Variants in ZNF512 observed in about 807,000 individuals in gnomAD.
ZNF512 encodes the protein zinc finger protein 512.
In ZNF512, 25 loss-of-function variants were observed where a neutral mutation model predicts 77.5. The ratio of observed to expected loss-of-function variants is 0.32; its 90% CI spans 0.23 to 0.45. ZNF512 has a LOEUF of 0.45. Ranked by LOEUF, ZNF512 falls within the 20% of genes least tolerant of loss-of-function variation. ZNF512 has a pLI of 1.00. For synonymous variants in ZNF512, 246 were observed against 239.9 expected (o/e 1.03, Z -0.24); for missense variants, 483 against 692.6 (o/e 0.70, Z 3.40).
In ZNF512 at chr2:27,621,257, CAGA is replaced by C; in HGVS notation, c.1503_1505del (p.Arg502del). The C allele has an allele frequency of 5.0e-6, 8 of 1,614,172 alleles. No homozygotes were observed. Among genetic ancestry groups the C allele is most frequent in the Non-Finnish European group, 6.8e-6 (8 of 1,180,026 alleles). On this transcript the variant is annotated inframe_deletion, in exon 14 of 14. Transcript: ENST00000355467. ...AAAAGCGGAGGCAGCAGCACAGGAG[CAGA>C]AGGTCTCTAAGAAGGCGGCAGCAGC... is the stretch of plus-strand genomic sequence containing the variant.
At chr2:27,614,713 ACT>A (rs2148042463) in intron 10 of ZNF512, among the ~76,000 whole-genome samples, 1 of 151,490 alleles carries the variant, frequency 6.6e-6, no homozygotes, top group East Asian at 1.9e-4. Flanking sequence ...AGAGAATACC[ACT>A]GTTAATATTT....
intron 2 of ZNF512, 98 bp from the exon 3 acceptor site, chr2:27,597,969 T>C: frequency 1.1e-6 from 1 of 939,818 alleles, no homozygotes; most frequent in Non-Finnish European, 1.6e-6. Context: ...GCTTCTTAGT[T>C]TTCTGCAGAG....
intron 2 of ZNF512, among the ~76,000 whole-genome samples, chr2:27,590,999 A>T (rs961182098): frequency 6.6e-6 from 1 of 151,764 alleles, no homozygotes; most frequent in African/African-American, 2.4e-5. Context: ...GAGTTGACAA[A>T]TTTTTTCTCT....
At chr2:27,600,143 C>A in intron 5 of ZNF512, 90 bp downstream of exon 5, 1 of 1,426,128 alleles carries the variant, frequency 7.0e-7, no homozygotes, top group Non-Finnish European at 9.7e-7. Context: ...GGTACTAAAG[C>A]ATTTCTTTAA....
chr2:27,613,014 T>A (rs927761677), intron 10 of ZNF512, among the ~76,000 whole-genome samples: 2 of 152,204 alleles, frequency 1.3e-5, no homozygotes, highest in Non-Finnish European at 2.9e-5. Context: ...ATCCCAACTA[T>A]TCCATTCCCA....
intron 2 of ZNF512, among the ~76,000 whole-genome samples, chr2:27,589,454 T>G (rs1315090054): frequency 1.3e-5 from 2 of 152,178 alleles, no homozygotes; most frequent in African/African-American, 4.8e-5. Flanking sequence ...TTTTCATTTG[T>G]GATATTGGCT....
chr2:27,612,180 T>C (rs1274564039), intron 10 of ZNF512, among the ~76,000 whole-genome samples: 1 of 152,228 alleles, frequency 6.6e-6, no homozygotes, highest in Admixed American at 6.5e-5. Flanking sequence ...TGCTGCTCAA[T>C]GTGTCCTGGA....
chr2:27,607,318 G>A (rs1351349968), intron 9 of ZNF512, among the ~76,000 whole-genome samples: 1 of 150,980 alleles, frequency 6.6e-6, no homozygotes, highest in African/African-American at 2.4e-5. Flanking sequence ...TGTGAGGGAT[G>A]GGTTAAGATT....
chr2:27,615,324 C>A, intron 11 of ZNF512, 55 bp downstream of exon 11: 2 of 1,178,728 alleles, frequency 1.7e-6, no homozygotes, highest in Non-Finnish European at 1.2e-6. Flanking sequence ...TCTGCTCTTG[C>A]TTCTGTTATT....
chr2:27,613,508 A>G (rs1330469187), intron 10 of ZNF512, among the ~76,000 whole-genome samples: 1 of 151,908 alleles, frequency 6.6e-6, no homozygotes, highest in Non-Finnish European at 1.5e-5. Flanking sequence ...AAAAAAAAAA[A>G]AATTTATATA....
intron 10 of ZNF512, among the ~76,000 whole-genome samples, chr2:27,613,082 G>A (rs370881520): frequency 3.9e-5 from 6 of 151,928 alleles, no homozygotes; most frequent in African/African-American, 1.5e-4. Context: ...AAACTCATTC[G>A]TTTTTAGTTT....
chr2:27,621,667 C>G lies in ZNF512; in HGVS notation c.*206C>G, dbSNP rs1673130201. Reference sequence around the variant, plus strand: ...CTTTTAGTAGGTTTTCCTGCTATTCCTCGTCAAGTCCTCTTGTTTTTTTAT... The same window carrying G: ...CTTTTAGTAGGTTTTCCTGCTATTCGTCGTCAAGTCCTCTTGTTTTTTTAT... On this transcript the variant is annotated 3_prime_UTR_variant, in exon 14 of 14. Transcript: ENST00000355467. 1.9e-6 allele frequency: 1 copy of G among 535,888 alleles called. No individual in the cohort carries two copies. The highest frequency in any genetic ancestry group is 3.2e-6 in the Non-Finnish European group (1 of 310,692). 33.2% of individuals were successfully genotyped at this position (535,888 alleles called of 1,614,324 possible). A position where few individuals can be genotyped will look rare whatever the true frequency, so the allele number is the denominator to read the frequency against.
chr2:27,614,184 TC>T (rs1672786583), intron 10 of ZNF512, among the ~76,000 whole-genome samples: 2 of 152,120 alleles, frequency 1.3e-5, no homozygotes, highest in African/African-American at 2.4e-5. Flanking sequence ...TTCAGATACT[TC>T]CATTGTCAAA....
chr2:27,583,357 A>T, intron 1 of ZNF512: 6 of 1,305,376 alleles, frequency 4.6e-6, no homozygotes, highest in Non-Finnish European at 5.1e-6. Flanking sequence ...CATTACCATT[A>T]GTTTCTATTC....
chr2:27,586,304 A>G (rs1671324694), intron 2 of ZNF512, among the ~76,000 whole-genome samples: 1 of 152,008 alleles, frequency 6.6e-6, no homozygotes, highest in Non-Finnish European at 1.5e-5. Flanking sequence ...ATCTCGGCTC[A>G]CCACAACCTC....
chr2:27,617,773 G>C (rs4666002), intron 13 of ZNF512, among the ~76,000 whole-genome samples: 36,750 of 151,894 alleles, frequency 0.24, 5,639 homozygotes, highest in East Asian at 0.49. Flanking sequence ...AGGGGTGGGC[G>C]GGGTGGCTTA....
At chr2:27,611,286 G>A (rs1260257515) in intron 10 of ZNF512, among the ~76,000 whole-genome samples, 7 of 152,074 alleles carry the variant, frequency 4.6e-5, no homozygotes, top group Admixed American at 3.3e-4. Flanking sequence ...CTTCCAATCT[G>A]TTATAGTTCC....
intron 2 of ZNF512, among the ~76,000 whole-genome samples, chr2:27,585,226 A>G (rs990882411): frequency 2.6e-5 from 4 of 152,230 alleles, no homozygotes; most frequent in African/African-American, 9.6e-5. Flanking sequence ...AACATTTGGA[A>G]CAAAAACAAA....
At chr2:27,614,770 A>G (rs1269226775) in intron 10 of ZNF512, among the ~76,000 whole-genome samples, 3 of 150,950 alleles carry the variant, frequency 2.0e-5, no homozygotes, top group East Asian at 3.9e-4. Context: ...ATTTATTTCT[A>G]TGACTGAGTA....
Sources: allele counts gnomAD v4.1 joint callset (sites outside exome capture counted in the v4.1 genomes callset), GRCh38; gene constraint gnomAD v4.1.1; transcripts MANE v1.5; gene names NCBI Gene and HGNC (gene_info 2026-07-23, HGNC 2026-07-21).